The following LAMA2 variants were observed in gnomAD, a reference collection of about 807,000 sequenced individuals.
The protein encoded by LAMA2 is laminin subunit alpha 2, also known as laminin subunit alpha-2.
Under a neutral mutation model 364.8 loss-of-function variants are expected in LAMA2, and 269 were observed. The ratio of observed to expected loss-of-function variants is 0.74; its 90% CI spans 0.67 to 0.82. The LOEUF (loss-of-function observed/expected upper bound fraction) is 0.82. Ranked by LOEUF, LAMA2 falls within the 40% of genes least tolerant of loss-of-function variation. LAMA2 has a pLI of 0.00. For synonymous variants in LAMA2, 1,379 were observed against 1,370.6 expected, an observed-to-expected ratio of 1.01 and a Z score of -0.14; for missense variants, 3,807 against 3,873.2, an observed-to-expected ratio of 0.98 and a Z score of 0.45.
intron 2 of LAMA2, among the ~76,000 whole-genome samples, chr6:129,056,437 A>G (rs1041120673): frequency 1.3e-5 from 2 of 152,168 alleles, no homozygotes; most frequent in Non-Finnish European, 2.9e-5. Context: ...AGGAAGCCTC[A>G]TCTCTATGGA....
At position 128,899,539 on chromosome 6, in the gene LAMA2, G is replaced by C. The variant is rs189879418; in HGVS notation, c.112+16182G>C. 7.9e-5 allele frequency among the ~76,000 whole-genome samples: 12 copies of C among 152,230 alleles called. No individual in the cohort carries two copies. In the East Asian group the frequency reaches 2.3e-3, roughly 29 times the overall value. ...GACATATGGTAGGCACTCAAAAATTGGATGAAGAAGCAGCTCTTTTTGGAC... is the reference window on the plus strand; with the variant it reads ...GACATATGGTAGGCACTCAAAAATTCGATGAAGAAGCAGCTCTTTTTGGAC... On this transcript the variant is annotated intron_variant, in intron 1 of 64. Coordinates refer to ENST00000421865, the MANE Select transcript of LAMA2 (RefSeq NM_000426.4).
chr6:129,352,558 G>A (rs1776911942), intron 31 of LAMA2, among the ~76,000 whole-genome samples: 1 of 152,126 alleles, frequency 6.6e-6, no homozygotes, highest in Admixed American at 6.5e-5. Flanking sequence ...TAAAATTAAT[G>A]GGTTGTATTA....
At chr6:129,168,548 T>C (rs1326025554) in intron 9 of LAMA2, among the ~76,000 whole-genome samples, 1 of 151,144 alleles carries the variant, frequency 6.6e-6, no homozygotes, top group Non-Finnish European at 1.5e-5. Context: ...ACCAGTACCA[T>C]GCTGTTTTGG....
chr6:129,284,938 G>T (rs1788995595), intron 18 of LAMA2, among the ~76,000 whole-genome samples: 1 of 152,060 alleles, frequency 6.6e-6, no homozygotes. Flanking sequence ...CCTTTGTTAT[G>T]TCAAGATATC....
At chr6:129,417,511 T>C (rs1470700650) in intron 40 of LAMA2, among the ~76,000 whole-genome samples, 2 of 152,094 alleles carry the variant, frequency 1.3e-5, no homozygotes, top group African/African-American at 4.8e-5. Context: ...CCATAAGTTC[T>C]CACTCCAGTT....
chr6:129,502,596 C>A (rs1159134579), intron 58 of LAMA2, 63 bp from the exon 59 acceptor site: 3 of 982,316 alleles, frequency 3.1e-6, no homozygotes, highest in Non-Finnish European at 3.3e-6. Context: ...AATTAGACAG[C>A]ATCATTACCT....
intron 9 of LAMA2, among the ~76,000 whole-genome samples, chr6:129,174,721 C>T (rs1242225431): frequency 2.0e-5 from 3 of 152,094 alleles, no homozygotes; most frequent in African/African-American, 4.8e-5. Context: ...TAAAGAATGA[C>T]GTAAGCTTTC....
chr6:129,258,132 T>G (rs988986709), intron 14 of LAMA2, among the ~76,000 whole-genome samples: 3 of 152,040 alleles, frequency 2.0e-5, no homozygotes, highest in Non-Finnish European at 4.4e-5. Context: ...GATGGCAAGA[T>G]AGGTTTCTGT....
chr6:129,497,800 A>AATCTT (rs1554312644), intron 58 of LAMA2, among the ~76,000 whole-genome samples: 2 of 152,230 alleles, frequency 1.3e-5, no homozygotes, highest in Non-Finnish European at 2.9e-5. Flanking sequence ...GGATTATGTC[A>AATCTT]ATCTTATGAT....
intron 32 of LAMA2, among the ~76,000 whole-genome samples, chr6:129,359,568 A>G (rs1350937962): frequency 7.5e-6 from 1 of 133,192 alleles, no homozygotes; most frequent in Admixed American, 8.4e-5. Flanking sequence ...GGAAAAAGGG[A>G]AGTGAGAAAT....
intron 1 of LAMA2, among the ~76,000 whole-genome samples, chr6:128,985,864 C>T (rs915605202): frequency 2.6e-4 from 40 of 152,232 alleles, no homozygotes; most frequent in Middle Eastern, 3.4e-3. Context: ...ATAATTATTT[C>T]ATCCCATCAA....
chr6:129,370,071 C>G, intron 34 of LAMA2, 81 bp downstream of exon 34: 1 of 1,106,240 alleles, frequency 9.0e-7, no homozygotes, highest in Non-Finnish European at 1.4e-6. Context: ...TTCTGAAATG[C>G]AAATCACCTT....
At chr6:129,194,478 G>A (rs541047874) in intron 12 of LAMA2, among the ~76,000 whole-genome samples, 7 of 152,242 alleles carry the variant, frequency 4.6e-5, no homozygotes, top group African/African-American at 1.7e-4. Context: ...GTAGTTGTTG[G>A]TTCCCGAAGA....
At chr6:129,421,072 G>T (rs1754548882) in intron 40 of LAMA2, among the ~76,000 whole-genome samples, 1 of 152,086 alleles carries the variant, frequency 6.6e-6, no homozygotes, top group South Asian at 2.1e-4. Flanking sequence ...GTATGCTTTA[G>T]CAAGAGTAAT....
chr6:129,068,737 A>G (rs143287281), intron 3 of LAMA2, among the ~76,000 whole-genome samples: 10 of 152,344 alleles, frequency 6.6e-5, no homozygotes, highest in African/African-American at 2.4e-4. Context: ...TTTCAGTTGT[A>G]TCTGTCACTA....
At chr6:129,370,013 C>CTGCT in intron 34 of LAMA2, 23 bp downstream of exon 34, 1 of 1,577,584 alleles carries the variant, frequency 6.3e-7, no homozygotes, top group Non-Finnish European at 8.7e-7. Flanking sequence ...AATTATGAAT[C>CTGCT]TTCTGAAAGC....
rs367974153 is a variant in LAMA2, at chr6:129,194,848, T to C, written c.1782+1995T>C. Among the ~76,000 whole-genome samples, 13 of 152,344 alleles carry C rather than the reference T, an allele frequency of 8.5e-5. No individual in the cohort carries two copies. The East Asian group carries it at 2.1e-3, about 25-fold the overall frequency. On this transcript the variant is annotated intron_variant, in intron 12 of 64. Coordinates refer to ENST00000421865, the MANE Select transcript of LAMA2 (RefSeq NM_000426.4). ...CACGTAAATTATAGTCATGATGACATGCTTAGCTTGGTTGATTTAATATCT... is the reference window on the plus strand; with the variant it reads ...CACGTAAATTATAGTCATGATGACACGCTTAGCTTGGTTGATTTAATATCT...
intron 1 of LAMA2, among the ~76,000 whole-genome samples, chr6:128,931,494 CACA>C (rs1291576653): frequency 6.6e-6 from 1 of 152,066 alleles, no homozygotes; most frequent in South Asian, 2.1e-4. Context: ...CTTCAGAAAT[CACA>C]ACGAGGCAAA....
At chr6:129,095,089 A>G (rs1248757806) in intron 3 of LAMA2, among the ~76,000 whole-genome samples, 1 of 152,228 alleles carries the variant, frequency 6.6e-6, no homozygotes, top group African/African-American at 2.4e-5. Flanking sequence ...GAATTATAAT[A>G]AGGAATATAG....
Sources: allele counts gnomAD v4.1 joint callset (sites outside exome capture counted in the v4.1 genomes callset), GRCh38; gene constraint gnomAD v4.1.1; transcripts MANE v1.5; gene names NCBI Gene and HGNC (gene_info 2026-07-23, HGNC 2026-07-21).